CDH13: variants seen among roughly 807,000 people sequenced by gnomAD.
CDH13 encodes the protein cadherin 13.
Under a neutral mutation model 63.8 loss-of-function variants are expected in CDH13, and 24 were observed. The observed-to-expected ratio is 0.38, with a 90% CI of 0.27 to 0.53. The LOEUF is 0.53. CDH13 is among the 20% of genes least tolerant of loss of function. CDH13 has a pLI of 0.85. For synonymous variants in CDH13, 503 were observed against 355.3 expected, an observed-to-expected ratio of 1.42 and a Z score of -4.67; for missense variants, 1,049 against 903.1, an observed-to-expected ratio of 1.16 and a Z score of -2.07.
intron 4 of CDH13, among the ~76,000 whole-genome samples, chr16:83,127,585 C>A (rs892284970): frequency 3.3e-5 from 5 of 151,882 alleles, no homozygotes; most frequent in Non-Finnish European, 7.4e-5. Context: ...CAAAAATTAG[C>A]CAGTGTCATG....
At chr16:82,765,606 AAG>A (rs1172718111) in intron 1 of CDH13, among the ~76,000 whole-genome samples, 7 of 152,192 alleles carry the variant, frequency 4.6e-5, no homozygotes, top group African/African-American at 1.7e-4. Flanking sequence ...TGTGGCATAA[AAG>A]AGAATAATTG....
At chr16:83,290,136 T>C (rs111659568) in intron 5 of CDH13, among the ~76,000 whole-genome samples, 6 of 152,332 alleles carry the variant, frequency 3.9e-5, no homozygotes, top group African/African-American at 1.4e-4. Flanking sequence ...CATGTTGTTG[T>C]TGCATATCGT....
intron 1 of CDH13, among the ~76,000 whole-genome samples, chr16:82,652,599 A>G (rs1160466065): frequency 1.3e-5 from 2 of 150,640 alleles, no homozygotes; most frequent in African/African-American, 4.9e-5. Flanking sequence ...CAGATCTTGG[A>G]AAATGAACCA....
intron 1 of CDH13, among the ~76,000 whole-genome samples, chr16:82,701,359 C>A (rs1287663662): frequency 1.3e-5 from 2 of 152,096 alleles, no homozygotes; most frequent in African/African-American, 2.4e-5. Flanking sequence ...TGACTTCCAT[C>A]CTGATTACTA....
chr16:83,510,417 A>C (rs2074529730), intron 7 of CDH13, among the ~76,000 whole-genome samples: 1 of 152,236 alleles, frequency 6.6e-6, no homozygotes, highest in Admixed American at 6.5e-5. Context: ...TGATAGAGAT[A>C]GGTGGACTAC....
chr16:82,680,703 T>G (rs1052777681), intron 1 of CDH13, among the ~76,000 whole-genome samples: 1 of 152,066 alleles, frequency 6.6e-6, no homozygotes, highest in African/African-American at 2.4e-5. Flanking sequence ...TACAAAAATG[T>G]TGGAAGATCT....
At chr16:82,875,470 G>A (rs1325669885) in intron 2 of CDH13, among the ~76,000 whole-genome samples, 1 of 152,240 alleles carries the variant, frequency 6.6e-6, no homozygotes, top group Non-Finnish European at 1.5e-5. Context: ...AGAAAGGACA[G>A]AAACTAGAGA....
At chr16:83,464,701 C>T (rs1233048248) in intron 6 of CDH13, among the ~76,000 whole-genome samples, 1 of 152,118 alleles carries the variant, frequency 6.6e-6, no homozygotes, top group Non-Finnish European at 1.5e-5. Context: ...GACGGAATGC[C>T]TGCCCTAATC....
chr16:83,414,539 G>A (rs2092172515), intron 6 of CDH13, among the ~76,000 whole-genome samples: 1 of 152,050 alleles, frequency 6.6e-6, no homozygotes, highest in Non-Finnish European at 1.5e-5. Context: ...TTGTTTAATT[G>A]AAACTTTATG....
At chr16:82,816,204 A>G (rs1405364300) in intron 1 of CDH13, among the ~76,000 whole-genome samples, 2 of 152,140 alleles carry the variant, frequency 1.3e-5, no homozygotes, top group Admixed American at 1.3e-4. Context: ...ACCCCACTGC[A>G]GCCTTCCAAC....
intron 6 of CDH13, among the ~76,000 whole-genome samples, chr16:83,414,512 G>A (rs1016036343): frequency 1.3e-5 from 2 of 152,008 alleles, no homozygotes; most frequent in Admixed American, 6.6e-5. Flanking sequence ...ATGGCAGATT[G>A]CTAGAACCCC....
chr16:82,974,036 C>A (rs1451603892), intron 2 of CDH13, among the ~76,000 whole-genome samples: 1 of 152,166 alleles, frequency 6.6e-6, no homozygotes, highest in Non-Finnish European at 1.5e-5. Flanking sequence ...TCTCCTGCCT[C>A]AGCCTCCCAA....
intron 2 of CDH13, among the ~76,000 whole-genome samples, chr16:82,985,895 C>T (rs1400312768): frequency 6.6e-6 from 1 of 152,088 alleles, no homozygotes; most frequent in Non-Finnish European, 1.5e-5. Flanking sequence ...CTGTCTTGCA[C>T]CTGCTCTGGC....
intron 7 of CDH13, among the ~76,000 whole-genome samples, chr16:83,558,296 G>A (rs565493949): frequency 6.6e-6 from 1 of 152,280 alleles, no homozygotes; most frequent in East Asian, 1.9e-4. Context: ...TTAGCAGAGA[G>A]GGATGATGTT....
At chr16:83,456,814 T>C (rs2073036670) in intron 6 of CDH13, among the ~76,000 whole-genome samples, 2 of 151,954 alleles carry the variant, frequency 1.3e-5, no homozygotes, top group Admixed American at 1.3e-4. Flanking sequence ...ATACAAAAAT[T>C]AGCCAGGCAT....
At chr16:82,902,220 C>A (rs2041495355) in intron 2 of CDH13, among the ~76,000 whole-genome samples, 1 of 152,150 alleles carries the variant, frequency 6.6e-6, no homozygotes, top group South Asian at 2.1e-4. Context: ...GCCCTAACCT[C>A]CTGAAGCAAT....
intron 7 of CDH13, among the ~76,000 whole-genome samples, chr16:83,509,719 G>C (rs934608922): frequency 2.0e-5 from 3 of 152,128 alleles, no homozygotes; most frequent in African/African-American, 4.8e-5. Context: ...CCTTTTTGGT[G>C]GTAGTAAAAA....
At chr16:82,750,840 G>A (rs2034384411) in intron 1 of CDH13, among the ~76,000 whole-genome samples, 1 of 152,074 alleles carries the variant, frequency 6.6e-6, no homozygotes, top group Non-Finnish European at 1.5e-5. Context: ...TGTTATGGTT[G>A]AGTGCATTCT....
intron 2 of CDH13, among the ~76,000 whole-genome samples, chr16:83,007,236 C>G (rs973015996): frequency 3.3e-5 from 5 of 152,164 alleles, no homozygotes; most frequent in African/African-American, 1.2e-4. Flanking sequence ...GACTTAAATT[C>G]TAATCATAGT....
Sources: gnomAD v4.1 joint callset for allele counts (sites outside exome capture counted in the v4.1 genomes callset) on GRCh38, gnomAD v4.1.1 for gene constraint, MANE v1.5 for transcripts, NCBI Gene and HGNC (gene_info 2026-07-23, HGNC 2026-07-21) for gene names.